The following CNTN4 variants were observed in gnomAD, a reference collection of about 807,000 sequenced individuals.
The protein encoded by CNTN4 is contactin 4, also known as contactin-4.
In CNTN4, 77 loss-of-function variants were observed where a neutral mutation model predicts 122.5. The ratio of observed to expected loss-of-function variants is 0.63; its 90% confidence interval spans 0.52 to 0.76. The LOEUF is 0.76. CNTN4 is among the 30% of genes least tolerant of loss of function. CNTN4 has a pLI of 0.00. For synonymous variants in CNTN4, 512 were observed against 447.0 expected (o/e 1.15, Z -1.83); for missense variants, 1,256 against 1,259.1 (o/e 1.00, Z 0.04).
intron 6 of CNTN4, among the ~76,000 whole-genome samples, chr3:2,795,437 G>A (rs1359750609): frequency 6.6e-6 from 1 of 152,036 alleles, no homozygotes; most frequent in Non-Finnish European, 1.5e-5. Flanking sequence ...CGGAGGAAGG[G>A]ACTCTATAAT....
In CNTN4 at chr3:2,641,108, C is replaced by T. The variant is rs187485229; in HGVS notation, c.55+69550C>T. Among the ~76,000 whole-genome samples, 3 of 152,178 alleles carry T rather than the reference C, an allele frequency of 2.0e-5. No individual in the cohort carries two copies. The East Asian group carries it at 5.8e-4, about 29-fold the overall frequency. On this transcript the variant is annotated intron_variant, in intron 4 of 24. Transcript: ENST00000418658. ...GTACTTAATACCCTCAAAATTAATG[C>T]TATATACAACTTCAACTGTATGTTT...
intron 14 of CNTN4, among the ~76,000 whole-genome samples, chr3:3,020,561 C>G (rs1214929295): frequency 6.6e-6 from 1 of 152,130 alleles, no homozygotes; most frequent in African/African-American, 2.4e-5. Context: ...CAGAACTTGG[C>G]ATCCCCTCTC....
intron 2 of CNTN4, among the ~76,000 whole-genome samples, chr3:2,299,110 A>G (rs1308655875): frequency 6.6e-6 from 1 of 152,190 alleles, no homozygotes; most frequent in Non-Finnish European, 1.5e-5. Context: ...CTGTGCTAAT[A>G]TCCAGTGAAA....
At chr3:2,569,249 AT>A (rs1413404529) in intron 3 of CNTN4, among the ~76,000 whole-genome samples, 29 of 152,270 alleles carry the variant, frequency 1.9e-4, no homozygotes, top group African/African-American at 6.3e-4. Context: ...ATGCTTGTTC[AT>A]TTTCTGTTAG....
intron 6 of CNTN4, among the ~76,000 whole-genome samples, chr3:2,808,264 A>G (rs1328970546): frequency 6.6e-6 from 1 of 152,098 alleles, no homozygotes; most frequent in Non-Finnish European, 1.5e-5. Flanking sequence ...TCTGTAGATT[A>G]CTGACTTTAT....
intron 4 of CNTN4, among the ~76,000 whole-genome samples, chr3:2,591,972 G>C (rs915963106): frequency 3.9e-5 from 6 of 152,048 alleles, no homozygotes; most frequent in Admixed American, 6.5e-5. Context: ...CAAACTCCTG[G>C]GCTCAAGGCA....
intron 2 of CNTN4, among the ~76,000 whole-genome samples, chr3:2,297,678 A>G (rs572653891): frequency 6.6e-6 from 1 of 152,052 alleles, no homozygotes; most frequent in Non-Finnish European, 1.5e-5. Context: ...TTTGATTGTT[A>G]TGTGTTTTGG....
intron 2 of CNTN4, among the ~76,000 whole-genome samples, chr3:2,153,820 C>T (rs2035598223): frequency 6.6e-6 from 1 of 151,894 alleles, no homozygotes; most frequent in Non-Finnish European, 1.5e-5. Context: ...CAGCTGTAGC[C>T]CTGGAAATGT....
At chr3:2,734,989 A>C (rs1390447443) in intron 4 of CNTN4, among the ~76,000 whole-genome samples, 1 of 152,224 alleles carries the variant, frequency 6.6e-6, no homozygotes, top group Non-Finnish European at 1.5e-5. Flanking sequence ...AATTGAAAAA[A>C]ATACTTCAAA....
intron 3 of CNTN4, among the ~76,000 whole-genome samples, chr3:2,451,467 G>T (rs2048826521): frequency 6.8e-6 from 1 of 146,804 alleles, no homozygotes; most frequent in African/African-American, 2.5e-5. Flanking sequence ...AAAAAGAAAA[G>T]ACAACCCCAG....
At chr3:2,351,379 C>T (rs915798750) in intron 3 of CNTN4, among the ~76,000 whole-genome samples, 1 of 152,158 alleles carries the variant, frequency 6.6e-6, no homozygotes, top group Non-Finnish European at 1.5e-5. Context: ...TCTTGATGTT[C>T]AGCATGCAGA....
intron 3 of CNTN4, among the ~76,000 whole-genome samples, chr3:2,369,332 T>G (rs2045540139): frequency 6.6e-6 from 1 of 152,218 alleles, no homozygotes. Flanking sequence ...AGAGTAGGAC[T>G]TTCCCCTCTC....
In CNTN4 at chr3:2,110,205, A is replaced by C. The variant is rs916239132; in HGVS notation, c.-145+9566A>C. Among the ~76,000 whole-genome samples, 9 of 152,368 alleles carry C rather than the reference A, an allele frequency of 5.9e-5. No homozygotes were observed. The East Asian group carries it at 1.7e-3, about 29-fold the overall frequency. ...TTGAATCCTTGTTTTGTCTCTTACT[A>C]GCTGTGTGATCTCAAACACATTCTT... On this transcript the variant is annotated intron_variant, in intron 2 of 24. Transcript: ENST00000418658.
chr3:2,330,919 A>G (rs754510306), intron 2 of CNTN4, among the ~76,000 whole-genome samples: 7 of 152,206 alleles, frequency 4.6e-5, no homozygotes, highest in Non-Finnish European at 7.3e-5. Context: ...CAAATTATAA[A>G]TGTCCAGTAC....
At chr3:2,802,760 G>A (rs57054059) in intron 6 of CNTN4, among the ~76,000 whole-genome samples, 2,386 of 152,214 alleles carry the variant, frequency 0.016, 72 homozygotes, top group African/African-American at 0.053. Context: ...AATGTAAATT[G>A]ACTGTAGACA....
chr3:2,410,048 A>C (rs1431772171), intron 3 of CNTN4, among the ~76,000 whole-genome samples: 1 of 152,222 alleles, frequency 6.6e-6, no homozygotes. Flanking sequence ...GACAGCACCT[A>C]TATGCAGTTT....
chr3:2,943,648 G>T (rs1577353576), intron 13 of CNTN4, among the ~76,000 whole-genome samples: 1 of 135,020 alleles, frequency 7.4e-6, no homozygotes. Context: ...TTTTTGAGAC[G>T]GAGTCTTGCT....
intron 2 of CNTN4, among the ~76,000 whole-genome samples, chr3:2,109,352 C>G (rs1217073238): frequency 6.6e-6 from 1 of 151,972 alleles, no homozygotes; most frequent in African/African-American, 2.4e-5. Flanking sequence ...AATCACTACT[C>G]CATTATTAAT....
intron 3 of CNTN4, among the ~76,000 whole-genome samples, chr3:2,345,530 G>A (rs1364677925): frequency 6.6e-6 from 1 of 152,162 alleles, no homozygotes; most frequent in African/African-American, 2.4e-5. Flanking sequence ...AATATCAGGA[G>A]CATGGGTGTC....
Sources: allele counts gnomAD v4.1 joint callset (sites outside exome capture counted in the v4.1 genomes callset), GRCh38; gene constraint gnomAD v4.1.1; transcripts MANE v1.5; gene names NCBI Gene and HGNC (gene_info 2026-07-23, HGNC 2026-07-21).